UBAP2L: variants seen among roughly 807,000 people sequenced by gnomAD.
The protein encoded by UBAP2L is ubiquitin-associated protein 2-like.
UBAP2L carries 12 observed loss-of-function variants against 130.6 expected under a neutral mutation model. That is an observed-to-expected ratio of 0.09 (90% CI 0.06 to 0.15). UBAP2L has a LOEUF of 0.15. UBAP2L is among the 10% of genes least tolerant of loss of function. The pLI is 1.00. For missense variants in UBAP2L, 965 were observed against 1,332.5 expected (o/e 0.72, Z 4.29); for synonymous variants, 503 against 524.7 (o/e 0.96, Z 0.57).
intron 21 of UBAP2L, among the ~76,000 whole-genome samples, chr1:154,259,519 T>G (rs1290971955): frequency 6.6e-6 from 1 of 151,832 alleles, no homozygotes; most frequent in East Asian, 1.9e-4. Flanking sequence ...TAAATCAGAG[T>G]TGTGGCATCT....
chr1:154,252,773 A>G (rs901199315), intron 14 of UBAP2L, among the ~76,000 whole-genome samples: 1 of 151,928 alleles, frequency 6.6e-6, no homozygotes, highest in African/African-American at 2.4e-5. Flanking sequence ...TGTTCAGGCC[A>G]GTCTTGAACT....
At chr1:154,262,627 C>T (rs938245067) in intron 24 of UBAP2L, among the ~76,000 whole-genome samples, 4 of 152,016 alleles carry the variant, frequency 2.6e-5, no homozygotes, top group Non-Finnish European at 4.4e-5. Flanking sequence ...GTCAGTTGCC[C>T]ACAGTTTTCA....
Position 154,255,278 on chromosome 1 carries a change from T to G in UBAP2L, c.2036T>G (p.Leu679Trp), listed in dbSNP as rs1165221516. ...CAGCATTCATCCTCCTTGGGTGGCT[T>G]GAGCCACAGTGAGGAGATTCCAAAT... Reference protein sequence around the residue: ...TNQHSSSLGGLSHSEEIPNTT... With the variant: ...TNQHSSSLGGWSHSEEIPNTT... Residue 679 changes from leucine to tryptophan, a missense_variant, in exon 17 of 27, where the codon TTG becomes TGG. Leu to Trp is a moderately conservative substitution (Grantham distance 61). Transcript: ENST00000428931. 1.2e-6 allele frequency: 2 copies of G among 1,614,068 alleles called. No homozygotes were observed. The highest frequency in any genetic ancestry group is 8.5e-7 in the Non-Finnish European group (1 of 1,180,030).
Position 154,255,892 on chromosome 1 carries a change from A to AT in UBAP2L, c.2157+137_2157+138insT, listed in dbSNP as rs1306556245. On this transcript the variant is annotated intron_variant, in intron 18 of 26. Transcript: ENST00000428931. ...ATTGATTTGAGGTTGCAGGAAAAGG[A>AT]GTAAAGGGATGTTAGGAAGCCAAGA... 5.9e-6 allele frequency: 6 copies of AT among 1,020,194 alleles called. No individual in the cohort carries two copies. In the African/African-American group the frequency reaches 9.4e-5, roughly 16 times the overall value. The allele number at this position is 1,020,194 out of a possible 1,614,324, so 63.2% of individuals were successfully genotyped here.
intron 2 of UBAP2L, among the ~76,000 whole-genome samples, 154 bp from the exon 3 acceptor site, chr1:154,227,128 G>T (rs553668703): frequency 6.6e-6 from 1 of 152,336 alleles, no homozygotes; most frequent in East Asian, 1.9e-4. Context: ...ACCTATCCCT[G>T]ATCCCCCATT....
chr1:154,252,437 C>T (rs901271374), intron 14 of UBAP2L, among the ~76,000 whole-genome samples: 2 of 149,572 alleles, frequency 1.3e-5, no homozygotes, highest in African/African-American at 4.9e-5. Context: ...TGTGCCACCA[C>T]ATCCGGCTAA....
chr1:154,225,198 C>T lies in UBAP2L; in HGVS notation c.75C>T (p.His25=). The change falls in exon 2 of 27, where the codon CAC becomes CAT. Residue 25 remains histidine, a synonymous_variant. Transcript: ENST00000428931. ...CTCAAAACCAAAACCAGACACAGCACAAGCAGCGGCCACAGGTAAATAATC... is the reference window on the plus strand; with the variant it reads ...CTCAAAACCAAAACCAGACACAGCATAAGCAGCGGCCACAGGTAAATAATC... ...EQPQNQNQTQ[H]KQRPQATAEQ... 6.2e-7 allele frequency: 1 copy of T among 1,614,094 alleles called. No homozygotes were observed.
At chr1:154,232,669 T>C (rs1670249601) in intron 4 of UBAP2L, among the ~76,000 whole-genome samples, 1 of 152,168 alleles carries the variant, frequency 6.6e-6, no homozygotes, top group African/African-American at 2.4e-5. Context: ...GGGTCAGGGC[T>C]GCGACTGTCG....
intron 1 of UBAP2L, among the ~76,000 whole-genome samples, chr1:154,224,627 G>A (rs1667367036): frequency 6.6e-6 from 1 of 152,160 alleles, no homozygotes; most frequent in African/African-American, 2.4e-5. Flanking sequence ...TTGTAAGGCA[G>A]GTAAGGCTGT....
intron 24 of UBAP2L, chr1:154,263,330 C>G: frequency 7.0e-7 from 1 of 1,424,580 alleles, no homozygotes; most frequent in Non-Finnish European, 9.1e-7. Flanking sequence ...CCCCCATTTC[C>G]CTCTCCCCCA....
chr1:154,245,858 T>G (rs1027040541), intron 10 of UBAP2L, among the ~76,000 whole-genome samples: 1 of 152,120 alleles, frequency 6.6e-6, no homozygotes, highest in Non-Finnish European at 1.5e-5. Context: ...GAGCTAGCAG[T>G]GAGCCAAGAT....
At chr1:154,242,706 A>C (rs1571760824) in intron 9 of UBAP2L, among the ~76,000 whole-genome samples, 1 of 152,226 alleles carries the variant, frequency 6.6e-6, no homozygotes, top group Admixed American at 6.5e-5. Flanking sequence ...CAAAAATAAC[A>C]TCTAGTTAAA....
At chr1:154,244,932 T>TA (rs1387979652) in intron 10 of UBAP2L, among the ~76,000 whole-genome samples, 2 of 151,864 alleles carry the variant, frequency 1.3e-5, no homozygotes, top group African/African-American at 4.9e-5. Flanking sequence ...CCAACACTCT[T>TA]ACCTGGTCTC....
chr1:154,228,222 C>T (rs768745858), intron 3 of UBAP2L, among the ~76,000 whole-genome samples: 2 of 151,098 alleles, frequency 1.3e-5, no homozygotes, highest in African/African-American at 2.4e-5. Context: ...GAGTCTTGCT[C>T]TGTGGTCCAG....
chr1:154,257,114 T>C lies in UBAP2L; in HGVS notation c.2209T>C (p.Ser737Pro). 6.2e-7 allele frequency: 1 copy of C among 1,614,146 alleles called. No homozygotes were observed. The highest frequency in any genetic ancestry group is 8.5e-7 in the Non-Finnish European group (1 of 1,180,024). ...TCTCCATTCTTCCTCCAGCACTTTT[T>C]CCACCACATCCAGCACAGTCTCTGC... ...ANLHSSSSTF[S>P]TTSSTVSAPP... Residue 737 changes from serine to proline, a missense_variant, in exon 19 of 27, where the codon TCC becomes CCC. Coordinates refer to ENST00000428931, the MANE Select transcript of UBAP2L (RefSeq NM_014847.4).
In UBAP2L at chr1:154,248,263, G is replaced by A. The variant is rs568607278; in HGVS notation, c.1015-976G>A. Among the ~76,000 whole-genome samples, 6 of 152,106 alleles carry A rather than the reference G, an allele frequency of 3.9e-5. No individual in the cohort carries two copies. In the South Asian group the frequency reaches 1.0e-3, roughly 26 times the overall value. Reference sequence around the variant, plus strand: ...ATTACAGGCGTGAGCCACCGCATTCGGCCCAGTGATTACCCTATAGAACTT... The same window carrying A: ...ATTACAGGCGTGAGCCACCGCATTCAGCCCAGTGATTACCCTATAGAACTT... On this transcript the variant is annotated intron_variant, in intron 11 of 26. Transcript: ENST00000428931.
chr1:154,226,085 A>T (rs1667849050), intron 2 of UBAP2L, among the ~76,000 whole-genome samples: 1 of 152,146 alleles, frequency 6.6e-6, no homozygotes, highest in South Asian at 2.1e-4. Flanking sequence ...GAGTACTGGG[A>T]TTATAGGCAT....
At position 154,231,775 on chromosome 1, in the gene UBAP2L, A is replaced by T. The variant is rs187153878; in HGVS notation, c.280-2816A>T. Reference sequence around the variant, plus strand: ...TTTTAAGGCTAATATTCCGTTGTACATATATGTGGCATTTTGTTTACTCAT... The same window carrying T: ...TTTTAAGGCTAATATTCCGTTGTACTTATATGTGGCATTTTGTTTACTCAT... On this transcript the variant is annotated intron_variant, in intron 4 of 26. Transcript: ENST00000428931. Among the ~76,000 whole-genome samples, 66 of 152,272 alleles carry T rather than the reference A, an allele frequency of 4.3e-4. No individual in the cohort carries two copies. The South Asian group carries it at 0.011, about 25-fold the overall frequency.
rs984843975 is a variant in UBAP2L at position 154,251,621 on chromosome 1, G to C, written c.1632G>C (p.Gln544His). 2 of 1,614,090 alleles carry C rather than the reference G, an allele frequency of 1.2e-6. No individual in the cohort carries two copies. The highest frequency in any genetic ancestry group is 2.2e-5 in the East Asian group (1 of 44,870). ...CCACCACGAGCGCCTCTTCAAGCCA[G>C]GCTCCAAGTAGCCTGTATACCAGCA... ...STPTTSASSS[Q>H]APSSLYTSTA... Residue 544 changes from glutamine to histidine, a missense_variant, in exon 14 of 27, where the codon CAG becomes CAC. Physicochemically the swap from Gln to His is conservative, Grantham distance 24 (BLOSUM62 0). Coordinates refer to ENST00000428931, the MANE Select transcript of UBAP2L (RefSeq NM_014847.4).
Sources: gnomAD v4.1 joint callset for allele counts (sites outside exome capture counted in the v4.1 genomes callset) on GRCh38, gnomAD v4.1.1 for gene constraint, MANE v1.5 for transcripts, NCBI Gene and HGNC (gene_info 2026-07-23, HGNC 2026-07-21) for gene names.